Variants in KALRN observed in about 807,000 individuals in gnomAD.
The protein encoded by KALRN is kalirin.
In KALRN, 70 loss-of-function variants were observed where a neutral mutation model predicts 353.7. That is an observed-to-expected ratio of 0.20 (90% confidence interval 0.16 to 0.24). The LOEUF is 0.24. Among genes scored for constraint, KALRN ranks in the 10% least tolerant of loss-of-function variants. The probability of loss-of-function intolerance (pLI) is 1.00; values close to 1 mark genes in which losing one functional copy is unlikely to be tolerated. For synonymous variants in KALRN, 1,391 were observed against 1,434.8 expected, an observed-to-expected ratio of 0.97 and a Z score of 0.69; for missense variants, 2,791 against 3,756.7, an observed-to-expected ratio of 0.74 and a Z score of 6.72.
rs1279394682 is a variant in KALRN at position 124,504,868 on chromosome 3, G to A, written c.4935+8455G>A. 6.1e-6 allele frequency: 3 copies of A among 488,772 alleles called. No individual in the cohort carries two copies. The Admixed American group carries it at 6.8e-5, about 11-fold the overall frequency. 30.3% of individuals were successfully genotyped at this position (488,772 alleles called of 1,614,324 possible). A position where few individuals can be genotyped will look rare whatever the true frequency, so the allele number is the denominator to read the frequency against. ...AATCCACTTTATTATTAGAATTTTG[G>A]TGGAAGGAGAAAGCAAATCTGAGAG... On this transcript the variant is annotated intron_variant, in intron 33 of 59. Coordinates refer to ENST00000682506, the MANE Select transcript of KALRN (RefSeq NM_001388419.1).
chr3:124,653,947 A>G (rs1418202419), intron 38 of KALRN, among the ~76,000 whole-genome samples: 1 of 152,196 alleles, frequency 6.6e-6, no homozygotes, highest in East Asian at 1.9e-4. Context: ...TAACCCTTCA[A>G]GGGAAGAGAT....
In KALRN at chr3:124,490,815, C is replaced by G. The variant is rs766965819; in HGVS notation, c.4518C>G (p.Ser1506=). 6.2e-7 allele frequency: 1 copy of G among 1,613,978 alleles called. No individual in the cohort carries two copies. The highest frequency in any genetic ancestry group is 8.5e-7 in the Non-Finnish European group (1 of 1,179,962). The change falls in exon 30 of 60, where the codon TCC becomes TCG. Residue 1506 remains serine, a synonymous_variant. Coordinates refer to ENST00000682506, the MANE Select transcript of KALRN (RefSeq NM_001388419.1). ...RERHLFLFEI[S]LVFSKEIKDS... ...GGCACTTGTTCCTCTTTGAGATCTC[C>G]TTGGTTTTTAGCAAGGAGATCAAAG...
At chr3:124,414,857 A>G (rs1187126530) in intron 14 of KALRN, among the ~76,000 whole-genome samples, 1 of 152,204 alleles carries the variant, frequency 6.6e-6, no homozygotes, top group Admixed American at 6.5e-5. Context: ...CAGTTGGGCC[A>G]TGTCCCTGCT....
At chr3:124,264,133 A>G (rs940175337) in intron 3 of KALRN, among the ~76,000 whole-genome samples, 4 of 151,638 alleles carry the variant, frequency 2.6e-5, no homozygotes. Context: ...CCGAAAATCC[A>G]AACTCCGAAA....
intron 34 of KALRN, among the ~76,000 whole-genome samples, chr3:124,614,530 G>A (rs1360071501): frequency 2.0e-5 from 3 of 150,990 alleles, no homozygotes; most frequent in Non-Finnish European, 4.4e-5. Context: ...GAAGTGTTGG[G>A]ATTACAGGCA....
At chr3:124,486,522 G>T (rs975052689) in intron 28 of KALRN, among the ~76,000 whole-genome samples, 1 of 152,146 alleles carries the variant, frequency 6.6e-6, no homozygotes, top group Non-Finnish European at 1.5e-5. Context: ...GCTCTAGGGG[G>T]TGCACTTCTT....
In KALRN at chr3:124,432,430, T is replaced by A. The variant is rs148225114; in HGVS notation, c.2829+1655T>A. On this transcript the variant is annotated intron_variant, in intron 16 of 59. Coordinates refer to ENST00000682506, the MANE Select transcript of KALRN (RefSeq NM_001388419.1). The stretch of plus-strand genomic sequence containing the variant: ...CCCTGTCTCAAAAACAAAAAAAGAA[T>A]TGGGCACATAGCAGTCAAGTTCCCA... Among the ~76,000 whole-genome samples the A allele has an allele frequency of 3.3e-5, 5 of 152,112 alleles. No homozygotes were observed. The East Asian group carries it at 9.7e-4, about 29-fold the overall frequency.
intron 1 of KALRN, among the ~76,000 whole-genome samples, chr3:124,177,310 C>T (rs2072922414): frequency 6.6e-6 from 1 of 152,208 alleles, no homozygotes; most frequent in Non-Finnish European, 1.5e-5. Flanking sequence ...TCAGGCAAAG[C>T]CCTCTGTTGC....
chr3:124,090,787 C>A (rs944742898), intron 1 of KALRN, among the ~76,000 whole-genome samples: 35 of 152,188 alleles, frequency 2.3e-4, no homozygotes, highest in African/African-American at 8.2e-4. Context: ...GTTAAAAATG[C>A]AGGCCTCTGG....
chr3:124,566,247 T>C (rs890107806), intron 34 of KALRN, among the ~76,000 whole-genome samples: 1 of 152,118 alleles, frequency 6.6e-6, no homozygotes, highest in Non-Finnish European at 1.5e-5. Flanking sequence ...ACTCCTGTAA[T>C]CCCAGCACTT....
At chr3:124,199,110 C>T (rs879558897) in intron 1 of KALRN, among the ~76,000 whole-genome samples, 2 of 152,252 alleles carry the variant, frequency 1.3e-5, no homozygotes, top group Admixed American at 1.3e-4. Context: ...CTGCCTGTTT[C>T]ACTGCTGAAC....
At chr3:124,147,153 TACA>T (rs2067476098) in intron 1 of KALRN, among the ~76,000 whole-genome samples, 1 of 152,176 alleles carries the variant, frequency 6.6e-6, no homozygotes, top group South Asian at 2.1e-4. Flanking sequence ...GTGGTGGGCC[TACA>T]TTTTAAAGCC....
chr3:124,101,441 T>C (rs1314282551), intron 1 of KALRN, among the ~76,000 whole-genome samples: 4 of 152,202 alleles, frequency 2.6e-5, no homozygotes, highest in African/African-American at 9.7e-5. Flanking sequence ...ATAACTGTTT[T>C]CAAGGCTTCA....
chr3:124,685,806 C>T (rs897974320), intron 51 of KALRN, among the ~76,000 whole-genome samples: 4 of 152,144 alleles, frequency 2.6e-5, no homozygotes, highest in South Asian at 2.1e-4. Context: ...CATGTTCCAT[C>T]GCACCCTCAC....
intron 1 of KALRN, among the ~76,000 whole-genome samples, chr3:124,226,788 C>A (rs890997090): frequency 1.3e-5 from 2 of 152,148 alleles, no homozygotes; most frequent in Non-Finnish European, 2.9e-5. Flanking sequence ...TCCTGCCCAG[C>A]ATGTTGTTTT....
chr3:124,520,708 A>G (rs969298615), intron 33 of KALRN, among the ~76,000 whole-genome samples: 1 of 152,212 alleles, frequency 6.6e-6, no homozygotes, highest in African/African-American at 2.4e-5. Context: ...GGCATTGTTA[A>G]GAACCTCATG....
chr3:124,227,661 C>T (rs1335991448), intron 1 of KALRN, among the ~76,000 whole-genome samples: 4 of 76,140 alleles, frequency 5.3e-5, no homozygotes, highest in African/African-American at 5.0e-5. Flanking sequence ...AGCAACAGGG[C>T]TGTTTTTTTT....
intron 37 of KALRN, among the ~76,000 whole-genome samples, chr3:124,643,008 G>A (rs1012455391): frequency 6.6e-6 from 1 of 151,568 alleles, no homozygotes. Context: ...GTAGAGACAG[G>A]GTTTCTCCAT....
At chr3:124,376,195 A>G (rs1249325327) in intron 10 of KALRN, among the ~76,000 whole-genome samples, 2 of 152,210 alleles carry the variant, frequency 1.3e-5, no homozygotes, top group African/African-American at 2.4e-5. Flanking sequence ...AGGTATTGGC[A>G]CCTGCAATAG....
Sources: allele counts gnomAD v4.1 joint callset (sites outside exome capture counted in the v4.1 genomes callset), GRCh38; gene constraint gnomAD v4.1.1; transcripts MANE v1.5; gene names NCBI Gene and HGNC (gene_info 2026-07-23, HGNC 2026-07-21).